The following ROR1 variants were observed in gnomAD, a reference collection of about 807,000 sequenced individuals.
ROR1 encodes inactive tyrosine-protein kinase transmembrane receptor ROR1.
Under a neutral mutation model 78.8 loss-of-function variants are expected in ROR1, and 19 were observed. The ratio of observed to expected loss-of-function variants is 0.24; its 90% CI spans 0.17 to 0.35. The LOEUF is 0.35. Among genes scored for constraint, ROR1 ranks in the 10% least tolerant of loss-of-function variants. ROR1 has a pLI of 1.00. For synonymous variants in ROR1, 386 were observed against 433.6 expected (o/e 0.89, Z 1.36); for missense variants, 917 against 1,177.8 (o/e 0.78, Z 3.24).
At chr1:63,996,761 G>A (rs1366271012) in intron 1 of ROR1, among the ~76,000 whole-genome samples, 3 of 152,068 alleles carry the variant, frequency 2.0e-5, no homozygotes, top group Admixed American at 2.0e-4. Flanking sequence ...TGCGCTAGAG[G>A]GGGTTAGACA....
At chr1:63,904,135 T>C (rs855828) in intron 1 of ROR1, among the ~76,000 whole-genome samples, 1 of 152,090 alleles carries the variant, frequency 6.6e-6, no homozygotes, top group African/African-American at 2.4e-5. Context: ...GCTGAAGAAC[T>C]CAAGTCTCTA....
At chr1:64,105,882 A>G (rs575702685) in intron 4 of ROR1, 1 of 152,348 alleles carries the variant, frequency 6.6e-6, no homozygotes, top group Non-Finnish European at 1.5e-5. Flanking sequence ...GTTTGAAGTC[A>G]GGTAGCTTGA....
At chr1:64,091,183 A>T (rs557375785) in intron 4 of ROR1, among the ~76,000 whole-genome samples, 21 of 152,046 alleles carry the variant, frequency 1.4e-4, no homozygotes, top group African/African-American at 4.3e-4. Context: ...TGCTTTTTTT[A>T]AAAAAAATAT....
chr1:64,156,724 AAAGC>A (rs1649784320), intron 7 of ROR1, among the ~76,000 whole-genome samples: 1 of 150,738 alleles, frequency 6.6e-6, no homozygotes, highest in African/African-American at 2.4e-5. Flanking sequence ...AAAAAAAAAA[AAAGC>A]AGGGATTTCA....
Position 63,876,625 on chromosome 1 carries a change from G to A in ROR1, c.91+102117G>A, listed in dbSNP as rs148234366. Reference sequence around the variant, plus strand: ...GCTGTTTCCATGAAAGAGTATGTATGCATGTGTTTCCACGAAAGGGGTGTG... The same window carrying A: ...GCTGTTTCCATGAAAGAGTATGTATACATGTGTTTCCACGAAAGGGGTGTG... On this transcript the variant is annotated intron_variant, in intron 1 of 8. Coordinates refer to ENST00000371079, the MANE Select transcript of ROR1 (RefSeq NM_005012.4). Among the ~76,000 whole-genome samples the A allele has an allele frequency of 6.7e-3, 1,021 of 151,362 alleles. 8 individuals are homozygous for A. Among genetic ancestry groups the A allele is most frequent in the Non-Finnish European group, 0.011 (748 of 67,842 alleles).
At chr1:63,882,207 T>A (rs552540784) in intron 1 of ROR1, among the ~76,000 whole-genome samples, 1 of 152,234 alleles carries the variant, frequency 6.6e-6, no homozygotes, top group South Asian at 2.1e-4. Context: ...GTAGGATGTG[T>A]TGGGAAAGGC....
At chr1:63,790,641 A>G (rs1644720608) in intron 1 of ROR1, among the ~76,000 whole-genome samples, 1 of 152,032 alleles carries the variant, frequency 6.6e-6, no homozygotes, top group South Asian at 2.1e-4. Flanking sequence ...GGTGTGGAAA[A>G]TCCTGGCACT....
intron 1 of ROR1, among the ~76,000 whole-genome samples, chr1:63,785,482 C>CTA (rs536055404): frequency 1.3e-3 from 198 of 147,188 alleles, no homozygotes; most frequent in African/African-American, 3.4e-3. Context: ...CAAGCAGCAA[C>CTA]TATATATATA....
At chr1:64,150,442 A>G (rs545469310) in intron 7 of ROR1, among the ~76,000 whole-genome samples, 35 of 152,306 alleles carry the variant, frequency 2.3e-4, no homozygotes, top group African/African-American at 8.4e-4. Flanking sequence ...TTTGTCACAA[A>G]CCATATTCTG....
chr1:63,972,789 T>A (rs1421056522), intron 1 of ROR1, among the ~76,000 whole-genome samples: 1 of 152,252 alleles, frequency 6.6e-6, no homozygotes, highest in African/African-American at 2.4e-5. Flanking sequence ...ATCATTGCCA[T>A]GTTGGAATAT....
intron 1 of ROR1, among the ~76,000 whole-genome samples, chr1:63,861,003 C>T (rs1466536103): frequency 4.6e-5 from 7 of 152,066 alleles, no homozygotes; most frequent in South Asian, 2.1e-4. Flanking sequence ...TCTTGACACA[C>T]GGTTGGTAAT....
intron 2 of ROR1, among the ~76,000 whole-genome samples, chr1:64,039,260 C>G (rs1646726944): frequency 6.6e-6 from 1 of 152,198 alleles, no homozygotes; most frequent in South Asian, 2.1e-4. Context: ...AAACATGAAA[C>G]TGGAGTGTCA....
At chr1:63,803,505 C>T (rs759670838) in intron 1 of ROR1, among the ~76,000 whole-genome samples, 10 of 152,204 alleles carry the variant, frequency 6.6e-5, no homozygotes, top group African/African-American at 1.2e-4. Flanking sequence ...CCACCATGCC[C>T]GCCTAATTCT....
intron 4 of ROR1, among the ~76,000 whole-genome samples, chr1:64,118,496 G>A (rs1441064790): frequency 6.6e-6 from 1 of 151,770 alleles, no homozygotes; most frequent in South Asian, 2.1e-4. Context: ...GCATGGTGGT[G>A]CATGCCTGTA....
At chr1:64,106,194 C>G (rs1309853959) in intron 4 of ROR1, 2 of 151,992 alleles carry the variant, frequency 1.3e-5, no homozygotes, top group East Asian at 3.9e-4. Context: ...TAGCTGTATT[C>G]CTAGGTATTT....
At chr1:64,140,574 G>C (rs1649281596) in intron 6 of ROR1, 148 bp downstream of exon 6, 1 of 673,202 alleles carries the variant, frequency 1.5e-6, no homozygotes. Context: ...AGCATTCAGT[G>C]GTGGATTAGA....
intron 8 of ROR1, among the ~76,000 whole-genome samples, chr1:64,163,271 C>A (rs1230574121): frequency 6.9e-6 from 1 of 145,648 alleles, no homozygotes; most frequent in Admixed American, 6.7e-5. Flanking sequence ...ACACACAATT[C>A]GCCAGGCATG....
intron 1 of ROR1, among the ~76,000 whole-genome samples, chr1:63,856,933 G>A (rs183608513): frequency 1.9e-4 from 29 of 152,050 alleles, no homozygotes; most frequent in South Asian, 4.2e-4. Flanking sequence ...AATTTAGTGC[G>A]GCACTCCTCT....
chr1:64,006,491 A>G (rs919155601), intron 1 of ROR1, among the ~76,000 whole-genome samples: 13 of 152,210 alleles, frequency 8.5e-5, no homozygotes, highest in Admixed American at 5.2e-4. Flanking sequence ...AATGTAGACA[A>G]TTAGCTCTTC....
Sources: gnomAD v4.1 joint callset for allele counts (sites outside exome capture counted in the v4.1 genomes callset) on GRCh38, gnomAD v4.1.1 for gene constraint, MANE v1.5 for transcripts, NCBI Gene and HGNC (gene_info 2026-07-23, HGNC 2026-07-21) for gene names.